Variants in SMURF2 observed in about 807,000 individuals in gnomAD.
SMURF2 encodes SMAD specific E3 ubiquitin protein ligase 2.
A neutral mutation model predicts 109.6 loss-of-function variants in SMURF2; 48 were observed. The observed-to-expected ratio is 0.44, with a 90% CI of 0.35 to 0.56. The LOEUF (loss-of-function observed/expected upper bound fraction) is 0.56, where lower values mean the gene tolerates loss of function less well. Among genes scored for constraint, SMURF2 ranks in the 20% least tolerant of loss-of-function variants. The pLI, the probability that SMURF2 is intolerant of heterozygous loss-of-function variation, is 0.01. For missense variants in SMURF2, 575 were observed against 909.0 expected (o/e 0.63, Z 4.72); for synonymous variants, 288 against 317.1 (o/e 0.91, Z 0.97).
chr17:64,557,685 G>GATTCA lies in SMURF2; in HGVS notation c.1349_1353dup (p.Pro452Ter). ...GAATACTGGAAGAGGCCATAGTATG[G>GATTCA]ATTCAACATTTCATGTGACAAGAGA... On this transcript the variant is annotated stop_gained and frameshift_variant, in exon 13 of 19. Coordinates refer to ENST00000262435, the MANE Select transcript of SMURF2 (RefSeq NM_022739.4). LOFTEE classifies it high-confidence loss of function. The GATTCA allele has an allele frequency of 6.2e-7, 1 of 1,611,718 alleles. No individual in the cohort carries two copies. Among genetic ancestry groups the GATTCA allele is most frequent in the East Asian group, 2.2e-5 (1 of 44,734 alleles).
Position 64,543,338 on chromosome 17 carries a change from G to GATCTCGGCTCACTGCA in SMURF2, c.*2494_*2509dup, listed in dbSNP as rs1968901175. On this transcript the variant is annotated 3_prime_UTR_variant, in exon 19 of 19. Transcript: ENST00000262435. ...CGCCCAGGCTGGAGTGCAGTGGTGC[G>GATCTCGGCTCACTGCA]ATCTCGGCTCACTGCAATCTCTGCC... is the stretch of plus-strand genomic sequence containing the variant. The GATCTCGGCTCACTGCA allele has an allele frequency of 6.6e-6, 1 of 150,564 alleles. No homozygotes were observed. Among genetic ancestry groups the GATCTCGGCTCACTGCA allele is most frequent in the African/African-American group, 2.5e-5 (1 of 40,790 alleles). 9.3% of individuals were successfully genotyped at this position (150,564 alleles called of 1,614,324 possible). A position where few individuals can be genotyped will look rare whatever the true frequency, so the allele number is the denominator to read the frequency against.
intron 9 of SMURF2, among the ~76,000 whole-genome samples, chr17:64,572,204 G>A (rs1969407528): frequency 6.6e-6 from 1 of 152,144 alleles, no homozygotes; most frequent in Non-Finnish European, 1.5e-5. Flanking sequence ...AGGCTTTAAT[G>A]TAATACAGAT....
intron 14 of SMURF2, 87 bp from the exon 15 acceptor site, chr17:64,555,080 A>C (rs903253823): frequency 3.2e-6 from 4 of 1,247,682 alleles, no homozygotes; most frequent in Non-Finnish European, 4.4e-6. Context: ...TAAAACTAAG[A>C]TCATTTTATA....
In SMURF2 at chr17:64,661,989, G is replaced by A. The variant is rs1002187217; in HGVS notation, c.-109C>T. 1 of 1,108,252 alleles carries A rather than the reference G, an allele frequency of 9.0e-7. No individual in the cohort carries two copies. Among genetic ancestry groups the A allele is most frequent in the Non-Finnish European group, 1.1e-6 (1 of 909,600 alleles). 68.7% of individuals were successfully genotyped at this position (1,108,252 alleles called of 1,614,324 possible). Reference sequence around the variant, plus strand: ...CTGGGGCCCGAGCAGCCGGCGCCTCGGCCGCCACGGCCGGAGGGTCCCGGA... The same window carrying A: ...CTGGGGCCCGAGCAGCCGGCGCCTCAGCCGCCACGGCCGGAGGGTCCCGGA... On this transcript the variant is annotated 5_prime_UTR_variant, in exon 1 of 19. Coordinates refer to ENST00000262435, the MANE Select transcript of SMURF2 (RefSeq NM_022739.4).
In SMURF2 at chr17:64,546,330, C is replaced by T. The variant is rs1555683109; in HGVS notation, c.2080G>A (p.Gly694Ser). Residue 694 changes from glycine to serine, a missense_variant, in exon 18 of 19, where the codon GGC becomes AGC. By Grantham distance (56) the Gly-to-Ser change is moderately conservative. This residue lies in a region of SMURF2 where 361 missense variants were observed against 612.1 expected (regional missense o/e 0.59). Transcript: ENST00000262435. Reference sequence around the variant, plus strand: ...TGGTGTATGGTAAAGAGTCTCGGGCCTGCAGCACCTGCAAATGAAGGAAAT... The same window carrying T: ...TGGTGTATGGTAAAGAGTCTCGGGCTTGCAGCACCTGCAAATGAAGGAAAT... ...QGFKALQGAA[G>S]PRLFTIHQID... The T allele has an allele frequency of 1.2e-6, 2 of 1,613,868 alleles. No individual in the cohort carries two copies. Among genetic ancestry groups the T allele is most frequent in the South Asian group, 2.2e-5 (2 of 91,030 alleles).
At chr17:64,645,556 T>C (rs1180142900) in intron 1 of SMURF2, among the ~76,000 whole-genome samples, 1 of 152,138 alleles carries the variant, frequency 6.6e-6, no homozygotes, top group Non-Finnish European at 1.5e-5. Flanking sequence ...CAGTGAGAAC[T>C]TGTCCCTAAA....
In SMURF2 at chr17:64,551,368, A is replaced by AAAG. The variant is rs1163155565; in HGVS notation, c.1869+215_1869+216insCTT. On this transcript the variant is annotated intron_variant, in intron 16 of 18. Transcript: ENST00000262435. ...TGAGACCCTGTCTCAGAAAAAAAAAAAGAGAGAGAGAGACAGATTGTTCAC... is the reference window on the plus strand; with the variant it reads ...TGAGACCCTGTCTCAGAAAAAAAAAAAAGAGAGAGAGAGAGACAGATTGTTCAC... Among the ~76,000 whole-genome samples, 6 of 151,952 alleles carry AAAG rather than the reference A, an allele frequency of 3.9e-5. No individual in the cohort carries two copies. In the East Asian group the frequency reaches 9.6e-4, roughly 24 times the overall value.
At chr17:64,586,750 CAAAA>C (rs782490512) in intron 5 of SMURF2, among the ~76,000 whole-genome samples, 12 of 27,454 alleles carry the variant, frequency 4.4e-4, no homozygotes, top group African/African-American at 1.0e-3. Flanking sequence ...GACTCCGTCT[CAAAA>C]AAAAAAAAAA....
chr17:64,630,294 T>C (rs1970321161), intron 1 of SMURF2, among the ~76,000 whole-genome samples: 2 of 152,058 alleles, frequency 1.3e-5, no homozygotes, highest in African/African-American at 2.4e-5. Context: ...CTAGAAGATA[T>C]TTATTTATAA....
chr17:64,652,505 T>C (rs1275244474), intron 1 of SMURF2, among the ~76,000 whole-genome samples: 1 of 152,196 alleles, frequency 6.6e-6, no homozygotes, highest in Non-Finnish European at 1.5e-5. Flanking sequence ...TTGTTTGTTT[T>C]GAGACAGAAT....
intron 1 of SMURF2, among the ~76,000 whole-genome samples, chr17:64,616,126 G>A (rs1230468496): frequency 2.6e-5 from 4 of 151,872 alleles, no homozygotes; most frequent in African/African-American, 7.3e-5. Context: ...CACCACACCC[G>A]GCTTAGAAAA....
chr17:64,577,799 G>A (rs556011907), intron 9 of SMURF2, among the ~76,000 whole-genome samples: 14 of 151,944 alleles, frequency 9.2e-5, no homozygotes, highest in African/African-American at 3.4e-4. Context: ...GGTCTATGTG[G>A]CTCAGACTGG....
At chr17:64,658,483 T>C (rs1227280176) in intron 1 of SMURF2, among the ~76,000 whole-genome samples, 1 of 152,348 alleles carries the variant, frequency 6.6e-6, no homozygotes, top group East Asian at 1.9e-4. Flanking sequence ...CTAGCATATC[T>C]AAAGGGAAAT....
chr17:64,630,863 C>A (rs1970329393), intron 1 of SMURF2, among the ~76,000 whole-genome samples: 1 of 152,106 alleles, frequency 6.6e-6, no homozygotes, highest in Admixed American at 6.5e-5. Flanking sequence ...ACTCAATTAT[C>A]TCTAGGGAGT....
intron 1 of SMURF2, among the ~76,000 whole-genome samples, chr17:64,627,216 G>A (rs1430606619): frequency 6.8e-6 from 1 of 147,480 alleles, no homozygotes; most frequent in African/African-American, 2.5e-5. Flanking sequence ...CCGGGTTCAA[G>A]TGATTCTCCT....
intron 1 of SMURF2, among the ~76,000 whole-genome samples, chr17:64,612,246 C>T (rs1970055118): frequency 6.6e-6 from 1 of 152,092 alleles, no homozygotes; most frequent in South Asian, 2.1e-4. Flanking sequence ...ACACATTACG[C>T]CTGGCACTTG....
At chr17:64,582,444 A>G (rs1969590956) in intron 7 of SMURF2, among the ~76,000 whole-genome samples, 1 of 152,220 alleles carries the variant, frequency 6.6e-6, no homozygotes, top group Non-Finnish European at 1.5e-5. Flanking sequence ...AGTTACTTCA[A>G]AAGCACCTCT....
intron 15 of SMURF2, among the ~76,000 whole-genome samples, chr17:64,554,095 A>G (rs1451941731): frequency 2.0e-5 from 3 of 152,190 alleles, no homozygotes; most frequent in African/African-American, 7.2e-5. Context: ...TTTATCCCTA[A>G]ACTCACAATG....
chr17:64,626,215 T>C (rs1195273355), intron 1 of SMURF2, among the ~76,000 whole-genome samples: 1 of 144,834 alleles, frequency 6.9e-6, no homozygotes, highest in Admixed American at 7.4e-5. Flanking sequence ...GCCGAGATCA[T>C]GCCACTACAC....
Sources: gnomAD v4.1 joint callset for allele counts (sites outside exome capture counted in the v4.1 genomes callset) on GRCh38, gnomAD v4.1.1 for gene constraint, gnomAD v4.1.1 regional missense constraint, MANE v1.5 for transcripts, NCBI Gene and HGNC (gene_info 2026-07-23, HGNC 2026-07-21) for gene names.